ZNF670: variants seen among roughly 807,000 people sequenced by gnomAD.
ZNF670 encodes the protein zinc finger protein 670.
Under a neutral mutation model 10.9 loss-of-function variants are expected in ZNF670, and 7 were observed. The observed-to-expected ratio is 0.64, with a 90% confidence interval of 0.36 to 1.20. ZNF670 has a LOEUF of 1.20. Among genes scored for constraint, ZNF670 ranks in the 50% most tolerant of loss-of-function variants. The pLI is 0.02. For synonymous variants in ZNF670, 136 were observed against 152.7 expected, an observed-to-expected ratio of 0.89 and a Z score of 0.81; for missense variants, 446 against 458.6, an observed-to-expected ratio of 0.97 and a Z score of 0.25.
At chr1:247,039,336 C>G in intron 2 of ZNF670, 75 bp downstream of exon 2, 1 of 1,542,216 alleles carries the variant, frequency 6.5e-7, no homozygotes, top group Non-Finnish European at 8.7e-7. Context: ...GCTGGGATTA[C>G]AGGTGTGAGC....
rs1112138 is a variant in ZNF670, at chr1:247,051,906, T to G, written c.4-12369A>C. 2.6e-3 allele frequency among the ~76,000 whole-genome samples: 395 copies of G among 152,118 alleles called. 2 individuals are homozygous for G. Among genetic ancestry groups the G allele is most frequent in the African/African-American group, 9.1e-3 (380 of 41,534 alleles). On this transcript the variant is annotated intron_variant, in intron 1 of 3. Coordinates refer to ENST00000366503, the MANE Select transcript of ZNF670 (RefSeq NM_033213.5). ...AACTTTCCAGTGTACTTCACAGTTC[T>G]CTAAGTGTGTCATTCATTTCCAGAA...
chr1:247,042,140 AAG>A (rs1670325218), intron 1 of ZNF670, among the ~76,000 whole-genome samples: 1 of 152,230 alleles, frequency 6.6e-6, no homozygotes, highest in African/African-American at 2.4e-5. Flanking sequence ...TAAAATGTAA[AAG>A]AACACAATTT....
In ZNF670 at chr1:247,039,413, A is replaced by G; in HGVS notation, c.128T>C (p.Val43Ala). The G allele has an allele frequency of 6.2e-7, 1 of 1,602,908 alleles. No individual in the cohort carries two copies. Among genetic ancestry groups the G allele is most frequent in the Non-Finnish European group, 8.5e-7 (1 of 1,176,140 alleles). Residue 43 changes from valine to alanine, a missense_variant and splice_region_variant, in exon 2 of 4, where the codon GTA becomes GCA. Transcript: ENST00000366503. ...MQEIFRNLAS[V>A]GNKSEDQNIQ... is the part of the protein sequence containing the mutation. ...TGAATAAGTGTTGTTATTCTTACCT[A>G]CAGAAGCCAGGTTCCTGAAGATTTC...
intron 1 of ZNF670, among the ~76,000 whole-genome samples, chr1:247,063,604 T>G (rs1572568717): frequency 7.2e-6 from 1 of 138,312 alleles, no homozygotes; most frequent in South Asian, 2.3e-4. Flanking sequence ...AAAAGGAAAC[T>G]GGAATTTGGG....
At position 247,068,319 on chromosome 1, in the gene ZNF670, C is replaced by CAAAAAAAAAAAAA. The variant is rs74163724; in HGVS notation, c.3+10262_3+10274dup. Among the ~76,000 whole-genome samples the CAAAAAAAAAAAAA allele has an allele frequency of 9.8e-4, 54 of 55,238 alleles. 1 individual carries two copies. Among genetic ancestry groups the CAAAAAAAAAAAAA allele is most frequent in the African/African-American group, 2.5e-3 (24 of 9,714 alleles). The allele number at this position is 55,238 out of a possible 152,430, so 36.2% of individuals were successfully genotyped here. ...AGGTGACAGAGTAAGATTCTGTCTC[C>CAAAAAAAAAAAAA]AAAAAAAAAAAAAAAAAAGATGGGC... is the stretch of plus-strand genomic sequence containing the variant. On this transcript the variant is annotated intron_variant, in intron 1 of 3. Coordinates refer to ENST00000366503, the MANE Select transcript of ZNF670 (RefSeq NM_033213.5).
chr1:247,040,355 C>A (rs10802462), intron 1 of ZNF670, among the ~76,000 whole-genome samples: 4 of 152,222 alleles, frequency 2.6e-5, no homozygotes, highest in African/African-American at 9.6e-5. Context: ...TATTGGATAA[C>A]AACAAAGTGC....
intron 1 of ZNF670, 70 bp downstream of exon 1, chr1:247,078,524 C>T (rs76620973): frequency 0.012 from 18,844 of 1,601,264 alleles, 236 homozygotes; most frequent in East Asian, 0.068. Flanking sequence ...CGGGGAGGTC[C>T]GGGTTCGCCA....
intron 1 of ZNF670, chr1:247,043,743 T>C: frequency 4.9e-6 from 2 of 409,024 alleles, no homozygotes; most frequent in South Asian, 3.9e-5. Flanking sequence ...TTAGCGTTCA[T>C]CCTAAAACAG....
chr1:247,075,682 G>A (rs1671235086), intron 1 of ZNF670, among the ~76,000 whole-genome samples: 1 of 152,168 alleles, frequency 6.6e-6, no homozygotes, highest in Non-Finnish European at 1.5e-5. Flanking sequence ...GACGTGACTT[G>A]CTCCTTGTTG....
At chr1:247,067,247 C>T (rs1038159672) in intron 1 of ZNF670, among the ~76,000 whole-genome samples, 2 of 151,368 alleles carry the variant, frequency 1.3e-5, no homozygotes, top group South Asian at 2.1e-4. Flanking sequence ...ACCAGCCTGG[C>T]CAACATGGTG....
At chr1:247,060,694 G>A (rs1011982375) in intron 1 of ZNF670, among the ~76,000 whole-genome samples, 3 of 151,818 alleles carry the variant, frequency 2.0e-5, no homozygotes, top group Non-Finnish European at 4.4e-5. Context: ...AAAGTAAATA[G>A]ACAACCATTC....
chr1:247,049,067 T>C (rs1164863812), intron 1 of ZNF670, among the ~76,000 whole-genome samples: 1 of 152,062 alleles, frequency 6.6e-6, no homozygotes, highest in Non-Finnish European at 1.5e-5. Flanking sequence ...GTATTTCTGT[T>C]GTATTGTTTG....
intron 1 of ZNF670, among the ~76,000 whole-genome samples, chr1:247,055,232 G>A (rs772638329): frequency 6.6e-6 from 1 of 152,236 alleles, no homozygotes; most frequent in Non-Finnish European, 1.5e-5. Flanking sequence ...GCACGTACAT[G>A]GTGGGCTCTG....
At chr1:247,074,357 A>G (rs1415595179) in intron 1 of ZNF670, among the ~76,000 whole-genome samples, 1 of 151,832 alleles carries the variant, frequency 6.6e-6, no homozygotes, top group African/African-American at 2.4e-5. Flanking sequence ...CCTCAGGGTG[A>G]AATGTTCTCT....
At chr1:247,069,562 C>T (rs1027936685) in intron 1 of ZNF670, among the ~76,000 whole-genome samples, 7 of 151,098 alleles carry the variant, frequency 4.6e-5, no homozygotes, top group Non-Finnish European at 2.9e-5. Flanking sequence ...TGTTGTAGCA[C>T]TGTTTACGAT....
At chr1:247,076,258 AT>A (rs761879742) in intron 1 of ZNF670, among the ~76,000 whole-genome samples, 8,657 of 141,514 alleles carry the variant, frequency 0.061, 399 homozygotes, top group African/African-American at 0.14. Flanking sequence ...GTGTGCTTGA[AT>A]TTTTTTTTTT....
At chr1:247,072,895 G>A (rs576480808) in intron 1 of ZNF670, among the ~76,000 whole-genome samples, 174 of 143,850 alleles carry the variant, frequency 1.2e-3, no homozygotes, top group Middle Eastern at 3.6e-3. Flanking sequence ...AGTATTAATG[G>A]TGTACTAATA....
chr1:247,069,810 G>T (rs1056162207), intron 1 of ZNF670, among the ~76,000 whole-genome samples: 1 of 152,166 alleles, frequency 6.6e-6, no homozygotes, highest in African/African-American at 2.4e-5. Context: ...TGAACTCATG[G>T]ACATGAGTCA....
intron 1 of ZNF670, among the ~76,000 whole-genome samples, chr1:247,050,005 T>C (rs1638596058): frequency 6.6e-6 from 1 of 152,250 alleles, no homozygotes; most frequent in Admixed American, 6.5e-5. Flanking sequence ...ACTGCAATTG[T>C]TGAGTAGAAT....
Sources: gnomAD v4.1 joint callset for allele counts (sites outside exome capture counted in the v4.1 genomes callset) on GRCh38, gnomAD v4.1.1 for gene constraint, MANE v1.5 for transcripts, NCBI Gene and HGNC (gene_info 2026-07-23, HGNC 2026-07-21) for gene names.